The following MPPED2 variants were observed in gnomAD, a reference collection of about 807,000 sequenced individuals.
The protein encoded by MPPED2 is metallophosphoesterase MPPED2.
Under a neutral mutation model 33.0 loss-of-function variants are expected in MPPED2, and 5 were observed. The ratio of observed to expected loss-of-function variants is 0.15; its 90% CI spans 0.08 to 0.32. MPPED2 has a LOEUF of 0.32. MPPED2 is among the 10% of genes least tolerant of loss of function. MPPED2 has a pLI of 1.00. For synonymous variants in MPPED2, 136 were observed against 141.9 expected (o/e 0.96, Z 0.29); for missense variants, 275 against 372.1 (o/e 0.74, Z 2.15).
chr11:30,430,243 T>C (rs1467279773), intron 4 of MPPED2, among the ~76,000 whole-genome samples: 1 of 152,134 alleles, frequency 6.6e-6, no homozygotes, highest in Admixed American at 6.5e-5. Context: ...TGCTGCCCAA[T>C]ATGATAGCCG....
intron 2 of MPPED2, among the ~76,000 whole-genome samples, chr11:30,546,427 CTTTT>C (rs1338053044): frequency 2.0e-5 from 3 of 152,046 alleles, no homozygotes; most frequent in African/African-American, 4.8e-5. Flanking sequence ...TACAAGATTT[CTTTT>C]TTATTAAAAT....
chr11:30,386,438 A>C, exon 7 of MPPED2: 1 of 257,764 alleles, frequency 3.9e-6, no homozygotes, highest in Non-Finnish European at 7.3e-6. Flanking sequence ...GGCTCAAGGT[A>C]TAGATTAGGG....
At chr11:30,429,283 C>A (rs2133835227) in intron 4 of MPPED2, 1 of 152,276 alleles carries the variant, frequency 6.6e-6, no homozygotes, top group South Asian at 2.1e-4. Context: ...CTTCTAATTC[C>A]CATGTCATTT....
At chr11:30,483,362 C>T (rs1951578252) in intron 4 of MPPED2, among the ~76,000 whole-genome samples, 1 of 152,216 alleles carries the variant, frequency 6.6e-6, no homozygotes, top group Non-Finnish European at 1.5e-5. Flanking sequence ...AATCCTCATT[C>T]TCAAGTGCTT....
At chr11:30,578,269 G>A (rs1957015820) in intron 2 of MPPED2, among the ~76,000 whole-genome samples, 1 of 152,160 alleles carries the variant, frequency 6.6e-6, no homozygotes, top group Admixed American at 6.5e-5. Flanking sequence ...ATGACAGGGA[G>A]CCAAACTGTG....
At chr11:30,560,284 T>A (rs1956178908) in intron 2 of MPPED2, among the ~76,000 whole-genome samples, 1 of 151,974 alleles carries the variant, frequency 6.6e-6, no homozygotes, top group African/African-American at 2.4e-5. Flanking sequence ...TAGTAGTTGC[T>A]TAAAAGATGA....
chr11:30,448,749 A>C (rs1442317409), intron 4 of MPPED2, among the ~76,000 whole-genome samples: 14 of 150,870 alleles, frequency 9.3e-5, no homozygotes, highest in Non-Finnish European at 5.9e-5. Flanking sequence ...ATCTTGGCTC[A>C]CCGCAACCTC....
chr11:30,575,445 G>A (rs1031589056), intron 2 of MPPED2, among the ~76,000 whole-genome samples: 15 of 152,122 alleles, frequency 9.9e-5, no homozygotes, highest in African/African-American at 3.6e-4. Flanking sequence ...CAGATGAGAA[G>A]ACAGGTTCAA....
At chr11:30,508,282 T>C (rs988117590) in intron 3 of MPPED2, among the ~76,000 whole-genome samples, 12 of 152,170 alleles carry the variant, frequency 7.9e-5, no homozygotes, top group Non-Finnish European at 8.8e-5. Flanking sequence ...TTAAAAAATG[T>C]GTTTGTTCTA....
At chr11:30,527,934 T>C (rs1276419793) in intron 3 of MPPED2, among the ~76,000 whole-genome samples, 1 of 152,252 alleles carries the variant, frequency 6.6e-6, no homozygotes, top group East Asian at 1.9e-4. Context: ...TCACTACTTG[T>C]ACACATTGGG....
intron 4 of MPPED2, among the ~76,000 whole-genome samples, chr11:30,492,373 C>G (rs1952023106): frequency 6.6e-6 from 1 of 152,170 alleles, no homozygotes; most frequent in Admixed American, 6.5e-5. Context: ...ACTATCAGTC[C>G]AGGGATTTCT....
At chr11:30,572,179 C>G (rs1009530196) in intron 2 of MPPED2, among the ~76,000 whole-genome samples, 1 of 152,060 alleles carries the variant, frequency 6.6e-6, no homozygotes, top group African/African-American at 2.4e-5. Context: ...CTTTACCCTC[C>G]CAGAAAGTCA....
At chr11:30,428,938 C>T (rs1321849664) in intron 4 of MPPED2, 1 of 152,156 alleles carries the variant, frequency 6.6e-6, no homozygotes. Context: ...CTTCATATGA[C>T]CTCCAAGTTT....
At chr11:30,508,233 C>A (rs979407139) in intron 3 of MPPED2, among the ~76,000 whole-genome samples, 7 of 152,066 alleles carry the variant, frequency 4.6e-5, no homozygotes, top group Admixed American at 4.6e-4. Flanking sequence ...AAAATAAATA[C>A]ATAAAAAGGT....
At chr11:30,505,950 A>G (rs1952804811) in intron 3 of MPPED2, among the ~76,000 whole-genome samples, 1 of 152,200 alleles carries the variant, frequency 6.6e-6, no homozygotes, top group Admixed American at 6.5e-5. Context: ...AATCTACCTT[A>G]TGAAGTGGGT....
At chr11:30,388,884 C>G in exon 7 of MPPED2, 2 of 1,558,132 alleles carry the variant, frequency 1.3e-6, no homozygotes, top group Non-Finnish European at 1.7e-6. Context: ...CCAGTTTCCT[C>G]TAGACTAGGA....
intron 3 of MPPED2, among the ~76,000 whole-genome samples, chr11:30,531,549 T>C (rs1954527586): frequency 6.6e-6 from 1 of 152,202 alleles, no homozygotes; most frequent in Admixed American, 6.5e-5. Context: ...GGGAAATGCT[T>C]GCCCAAAAAG....
chr11:30,501,203 G>A (rs1486925038), intron 3 of MPPED2, among the ~76,000 whole-genome samples: 5 of 152,004 alleles, frequency 3.3e-5, no homozygotes, highest in South Asian at 4.2e-4. Context: ...TTTCCCAATC[G>A]CCATCAATAA....
At position 30,411,161 on chromosome 11, in the gene MPPED2, T is replaced by A; in HGVS notation, c.*307A>T. 4 of 1,024,272 alleles carry A rather than the reference T, an allele frequency of 3.9e-6. No individual in the cohort carries two copies. The highest frequency in any genetic ancestry group is 4.7e-6 in the Non-Finnish European group (4 of 854,670). 63.4% of individuals were successfully genotyped at this position (1,024,272 alleles called of 1,614,324 possible). A position where few individuals can be genotyped will look rare whatever the true frequency, so the allele number is the denominator to read the frequency against. On this transcript the variant is annotated 3_prime_UTR_variant, in exon 7 of 7. Transcript: ENST00000358117. Reference sequence around the variant, plus strand: ...TCTTTCAGCTTAAAGCATATTAAAATAAGACTTTTATCACTTTTTAAAAGA... The same window carrying A: ...TCTTTCAGCTTAAAGCATATTAAAAAAAGACTTTTATCACTTTTTAAAAGA...
Sources: allele counts gnomAD v4.1 joint callset (sites outside exome capture counted in the v4.1 genomes callset), GRCh38; gene constraint gnomAD v4.1.1; transcripts MANE v1.5; gene names NCBI Gene and HGNC (gene_info 2026-07-23, HGNC 2026-07-21).